Variants in DPP10 observed in about 807,000 individuals in gnomAD.
DPP10 encodes the protein inactive dipeptidyl peptidase 10.
A neutral mutation model predicts 120.9 loss-of-function variants in DPP10; 33 were observed. The ratio of observed to expected loss-of-function variants is 0.27; its 90% CI spans 0.21 to 0.37. The LOEUF is 0.37. DPP10 is among the 10% of genes least tolerant of loss of function. The probability of loss-of-function intolerance (pLI) is 1.00; values close to 1 mark genes in which losing one functional copy is unlikely to be tolerated. For missense variants in DPP10, 816 were observed against 942.8 expected, an observed-to-expected ratio of 0.87 and a Z score of 1.76; for synonymous variants, 337 against 326.1, an observed-to-expected ratio of 1.03 and a Z score of -0.36.
At chr2:115,000,804 A>C (rs1219510531) in intron 1 of DPP10, among the ~76,000 whole-genome samples, 2 of 152,206 alleles carry the variant, frequency 1.3e-5, no homozygotes, top group Non-Finnish European at 2.9e-5. Flanking sequence ...GCACTAAAAA[A>C]ATCTCTAAAA....
chr2:115,292,312 C>T lies in DPP10; in HGVS notation c.61-16927C>T, dbSNP rs370331525. Among the ~76,000 whole-genome samples, 42 of 152,156 alleles carry T rather than the reference C, an allele frequency of 2.8e-4. No homozygotes were observed. The East Asian group carries it at 6.4e-3, about 23-fold the overall frequency. ...GTCATTTTTATTTATAATGCATAGT[C>T]TAAACTCTTTTGATTTTATTTTAGA... On this transcript the variant is annotated intron_variant, in intron 1 of 25. Transcript: ENST00000410059.
At chr2:115,747,695 G>T (rs1464361746) in intron 10 of DPP10, among the ~76,000 whole-genome samples, 1 of 150,198 alleles carries the variant, frequency 6.7e-6, no homozygotes. Context: ...CCAGGTTCAC[G>T]CCATTCTCTT....
chr2:114,521,026 A>T (rs1172771958), intron 1 of DPP10, among the ~76,000 whole-genome samples: 1 of 152,206 alleles, frequency 6.6e-6, no homozygotes, highest in Non-Finnish European at 1.5e-5. Context: ...TCCAAGAAGC[A>T]CCGTGAGCAG....
chr2:114,653,838 A>G (rs1405816487), intron 1 of DPP10, among the ~76,000 whole-genome samples: 1 of 152,198 alleles, frequency 6.6e-6, no homozygotes, highest in Non-Finnish European at 1.5e-5. Flanking sequence ...AATACTGGAC[A>G]TGCAAAAGAA....
intron 5 of DPP10, among the ~76,000 whole-genome samples, chr2:115,618,537 G>C (rs960393004): frequency 6.6e-6 from 1 of 152,136 alleles, no homozygotes; most frequent in African/African-American, 2.4e-5. Context: ...ATTTGCTTCC[G>C]AAAATATTTC....
At chr2:114,676,385 A>C (rs1698672587) in intron 1 of DPP10, among the ~76,000 whole-genome samples, 1 of 152,188 alleles carries the variant, frequency 6.6e-6, no homozygotes, top group East Asian at 1.9e-4. Flanking sequence ...TCTGTATATT[A>C]AAAACGAAAA....
intron 8 of DPP10, among the ~76,000 whole-genome samples, chr2:115,736,677 G>T (rs1019664777): frequency 2.0e-5 from 3 of 151,982 alleles, no homozygotes; most frequent in African/African-American, 7.2e-5. Flanking sequence ...TCTCAAAAAA[G>T]GAAATATTTT....
intron 1 of DPP10, among the ~76,000 whole-genome samples, chr2:114,834,447 C>G (rs1337700103): frequency 6.6e-6 from 1 of 151,342 alleles, no homozygotes; most frequent in African/African-American, 2.4e-5. Context: ...ATCTACACAC[C>G]TATGTACATA....
intron 1 of DPP10, among the ~76,000 whole-genome samples, chr2:115,158,314 T>C (rs2052056272): frequency 6.6e-6 from 1 of 152,194 alleles, no homozygotes. Flanking sequence ...TTAATATTTC[T>C]AGGTAAAGAG....
chr2:114,477,961 ATATG>A (rs1398177530), intron 1 of DPP10, among the ~76,000 whole-genome samples: 1 of 150,254 alleles, frequency 6.7e-6, no homozygotes, highest in Non-Finnish European at 1.5e-5. Context: ...ATATGTGTGT[ATATG>A]TATATATGTG....
At chr2:114,945,924 T>C (rs184076274) in intron 1 of DPP10, among the ~76,000 whole-genome samples, 3 of 152,312 alleles carry the variant, frequency 2.0e-5, no homozygotes, top group Admixed American at 1.3e-4. Flanking sequence ...TAATGTCATA[T>C]TGATAACATG....
At chr2:114,482,773 C>T (rs574860817) in intron 1 of DPP10, among the ~76,000 whole-genome samples, 9 of 152,234 alleles carry the variant, frequency 5.9e-5, no homozygotes, top group South Asian at 4.1e-4. Context: ...TTAGCCAATG[C>T]GTATCTTGTA....
intron 1 of DPP10, among the ~76,000 whole-genome samples, chr2:114,692,787 A>G (rs754008883): frequency 6.6e-6 from 1 of 152,036 alleles, no homozygotes; most frequent in Non-Finnish European, 1.5e-5. Flanking sequence ...TATATATTTT[A>G]GTATAGTTAG....
At chr2:115,122,832 G>T (rs2049892632) in intron 1 of DPP10, among the ~76,000 whole-genome samples, 1 of 152,116 alleles carries the variant, frequency 6.6e-6, no homozygotes, top group Non-Finnish European at 1.5e-5. Flanking sequence ...AGTGCCTCAG[G>T]TCTACTCTGT....
At chr2:115,546,111 C>CT (rs1328243978) in intron 5 of DPP10, among the ~76,000 whole-genome samples, 1 of 152,126 alleles carries the variant, frequency 6.6e-6, no homozygotes, top group Non-Finnish European at 1.5e-5. Flanking sequence ...TTGGGAACAT[C>CT]TTTTTGGTTT....
chr2:114,680,753 A>G (rs1427263795), intron 1 of DPP10, among the ~76,000 whole-genome samples: 1 of 151,996 alleles, frequency 6.6e-6, no homozygotes, highest in Non-Finnish European at 1.5e-5. Context: ...TAGGCTATTC[A>G]GACATGTATT....
intron 16 of DPP10, among the ~76,000 whole-genome samples, 184 bp from the exon 17 acceptor site, chr2:115,782,168 A>G (rs1407130204): frequency 6.6e-6 from 1 of 152,010 alleles, no homozygotes; most frequent in African/African-American, 2.4e-5. Flanking sequence ...CTTCTCATAT[A>G]TTCTTACCCT....
At chr2:115,767,499 A>G (rs2149809322) in intron 12 of DPP10, among the ~76,000 whole-genome samples, 1 of 145,556 alleles carries the variant, frequency 6.9e-6, no homozygotes, top group South Asian at 2.3e-4. Context: ...GTATATATAT[A>G]TACACATAGT....
intron 5 of DPP10, among the ~76,000 whole-genome samples, chr2:115,571,532 A>T (rs2081338175): frequency 6.6e-6 from 1 of 152,184 alleles, no homozygotes. Flanking sequence ...TGTTGCCAAC[A>T]TCTTTAATCA....
Sources: allele counts gnomAD v4.1 joint callset (sites outside exome capture counted in the v4.1 genomes callset), GRCh38; gene constraint gnomAD v4.1.1; transcripts MANE v1.5; gene names NCBI Gene and HGNC (gene_info 2026-07-23, HGNC 2026-07-21).